DENND11: variants seen among roughly 807,000 people sequenced by gnomAD.
DENND11 encodes the protein DENN domain-containing protein 11.
A neutral mutation model predicts 49.2 loss-of-function variants in DENND11; 34 were observed. That is an observed-to-expected ratio of 0.69 (90% CI 0.53 to 0.92). The LOEUF (loss-of-function observed/expected upper bound fraction) is 0.92, where lower values mean the gene tolerates loss of function less well. Ranked by LOEUF, DENND11 falls within the 40% of genes least tolerant of loss-of-function variation. DENND11 has a pLI of 0.00. For synonymous variants in DENND11, 238 were observed against 230.3 expected, an observed-to-expected ratio of 1.03 and a Z score of -0.30; for missense variants, 475 against 581.6, an observed-to-expected ratio of 0.82 and a Z score of 1.88.
chr7:141,697,544 A>G (rs1283335806), intron 1 of DENND11, among the ~76,000 whole-genome samples: 1 of 152,134 alleles, frequency 6.6e-6, no homozygotes, highest in Non-Finnish European at 1.5e-5. Context: ...CCTGCATTTG[A>G]GCTGTCCATG....
At chr7:141,663,811 T>C (rs1448960537) in intron 8 of DENND11, 1 of 219,674 alleles carries the variant, frequency 4.6e-6, no homozygotes, top group Non-Finnish European at 8.9e-6. Context: ...TATCCCATAA[T>C]ATTCAGCGCA....
intron 4 of DENND11, among the ~76,000 whole-genome samples, chr7:141,672,687 G>A (rs1240291526): frequency 6.6e-6 from 1 of 152,218 alleles, no homozygotes; most frequent in African/African-American, 2.4e-5. Context: ...ACTTACAGAA[G>A]CTGTGAAATA....
chr7:141,673,819 T>C (rs1261433397), intron 4 of DENND11, among the ~76,000 whole-genome samples: 1 of 152,232 alleles, frequency 6.6e-6, no homozygotes, highest in African/African-American at 2.4e-5. Flanking sequence ...AATCTATCTT[T>C]TCACAACTGG....
rs1420311427 is a variant in DENND11 at position 141,702,138 on chromosome 7, C to T, written c.16G>A (p.Asp6Asn). 7 of 983,018 alleles carry T rather than the reference C, an allele frequency of 7.1e-6. No homozygotes were observed. The highest frequency in any genetic ancestry group is 5.1e-4 in the Middle Eastern group (1 of 1,944). The allele number at this position is 983,018 out of a possible 1,614,324, so 60.9% of individuals were successfully genotyped here. ...GCCCAGCGCAGCAGCGGCGCCGCGT[C>T]TCCCTGCTCCACCATGGCTAGGCGA... MVEQGDAAPLLRWAEG... is the reference protein window; with the variant it reads MVEQGNAAPLLRWAEG... Residue 6 changes from aspartate to asparagine, a missense_variant, in exon 1 of 9, where the codon GAC (aspartate) becomes AAC (asparagine). Transcript: ENST00000536163.
chr7:141,674,128 C>A lies in DENND11; in HGVS notation c.620G>T (p.Ser207Ile). ...CAGCCAGTAGACAGGGGGCAGGCTG[C>A]TGCCTCTGCCGGGACCAGCATGGAG... ...GVLHAGPGRG[S>I]SLPPVYWLPS... Residue 207 changes from serine (S) to isoleucine (I), a missense_variant, in exon 4 of 9, where the codon AGC (serine) becomes ATC (isoleucine). Ser to Ile is a moderately radical substitution (Grantham distance 142). Coordinates refer to ENST00000536163, the MANE Select transcript of DENND11 (RefSeq NM_001080392.2). 3 of 1,595,714 alleles carry A rather than the reference C, an allele frequency of 1.9e-6. No homozygotes were observed. The highest frequency in any genetic ancestry group is 2.6e-6 in the Non-Finnish European group (3 of 1,171,212).
In DENND11 at chr7:141,661,898, C is replaced by CA. The variant is rs1797801447; in HGVS notation, c.*757dup. 1 of 152,228 alleles carries CA rather than the reference C, an allele frequency of 6.6e-6. No individual in the cohort carries two copies. Among genetic ancestry groups the CA allele is most frequent in the Non-Finnish European group, 1.5e-5 (1 of 68,044 alleles). The allele number at this position is 152,228 out of a possible 1,614,324, so 9.4% of individuals were successfully genotyped here. A position where few individuals can be genotyped will look rare whatever the true frequency, so the allele number is the denominator to read the frequency against. The stretch of plus-strand genomic sequence containing the variant: ...ATTTGCTTGCAAGCTCCAAGGCCAG[C>CA]ATTGGCCCTTAGCAATTCACCAATT... On this transcript the variant is annotated 3_prime_UTR_variant, in exon 9 of 9. Coordinates refer to ENST00000536163, the MANE Select transcript of DENND11 (RefSeq NM_001080392.2).
In DENND11 at chr7:141,658,556, G is replaced by C. The variant is rs535411861; in HGVS notation, c.*4100C>G. 3 of 152,292 alleles carry C rather than the reference G, an allele frequency of 2.0e-5. No homozygotes were observed. Among genetic ancestry groups the C allele is most frequent in the South Asian group, 4.2e-4 (2 of 4,812 alleles). The allele number at this position is 152,292 out of a possible 1,614,324, so 9.4% of individuals were successfully genotyped here. A position where few individuals can be genotyped will look rare whatever the true frequency, so the allele number is the denominator to read the frequency against. On this transcript the variant is annotated 3_prime_UTR_variant, in exon 9 of 9. Transcript: ENST00000536163. Reference sequence around the variant, plus strand: ...CTAGGGAGATAAAAGCCCATGCCTGGCATATTGGTCCCCATTCTAATTGTC... The same window carrying C: ...CTAGGGAGATAAAAGCCCATGCCTGCCATATTGGTCCCCATTCTAATTGTC...
chr7:141,671,699 G>T (rs1797982968), intron 4 of DENND11, among the ~76,000 whole-genome samples: 1 of 152,152 alleles, frequency 6.6e-6, no homozygotes, highest in South Asian at 2.1e-4. Flanking sequence ...TAGGTCAGAT[G>T]CTGGTCACCT....
At chr7:141,685,723 G>C (rs1798229709) in intron 2 of DENND11, 87 bp from the exon 3 acceptor site, 1 of 1,419,082 alleles carries the variant, frequency 7.0e-7, no homozygotes, top group Non-Finnish European at 9.6e-7. Context: ...AACTGTGTTC[G>C]GGGCTGTCAA....
Position 141,674,214 on chromosome 7 carries a change from C to A in DENND11, c.534G>T (p.Gln178His), listed in dbSNP as rs754467823. ...GAGAGTAATGTCCTGGCATCTCCAA[C>A]TGGTGCCTGCAGAAAAACACACACA... ...MHFLENQVRH[Q>H]LEMPGHYSHL... The change falls in exon 4 of 9, where the codon CAG becomes CAT. Residue 178 changes from glutamine to histidine, a missense_variant. Physicochemically the swap from Gln to His is conservative, Grantham distance 24. Coordinates refer to ENST00000536163, the MANE Select transcript of DENND11 (RefSeq NM_001080392.2). 1 of 1,545,002 alleles carries A rather than the reference C, an allele frequency of 6.5e-7. No homozygotes were observed. Among genetic ancestry groups the A allele is most frequent in the Non-Finnish European group, 8.7e-7 (1 of 1,144,154 alleles).
intron 1 of DENND11, among the ~76,000 whole-genome samples, chr7:141,688,471 T>C (rs760815025): frequency 8.5e-5 from 13 of 152,342 alleles, no homozygotes; most frequent in Admixed American, 3.9e-4. Context: ...AGAGGAATTA[T>C]GATTCTGATC....
At chr7:141,669,848 C>G (rs1485731830) in intron 4 of DENND11, among the ~76,000 whole-genome samples, 2 of 122,152 alleles carry the variant, frequency 1.6e-5, no homozygotes, top group African/African-American at 6.1e-5. Flanking sequence ...GTCTCGCTGT[C>G]GCCCAGGCTG....
At chr7:141,671,234 T>C (rs1797974927) in intron 4 of DENND11, among the ~76,000 whole-genome samples, 1 of 152,228 alleles carries the variant, frequency 6.6e-6, no homozygotes, top group South Asian at 2.1e-4. Context: ...TGGAGTGCAG[T>C]GGTGCGATGT....
At chr7:141,677,014 G>A (rs1798068372) in intron 3 of DENND11, among the ~76,000 whole-genome samples, 1 of 152,188 alleles carries the variant, frequency 6.6e-6, no homozygotes, top group Admixed American at 6.5e-5. Flanking sequence ...TGGCCATGCA[G>A]ATGCCCAGTG....
chr7:141,675,875 G>A (rs1219769178), intron 3 of DENND11, among the ~76,000 whole-genome samples: 1 of 152,224 alleles, frequency 6.6e-6, no homozygotes, highest in East Asian at 1.9e-4. Context: ...TGCATTTTAA[G>A]TTTTGACAAG....
intron 1 of DENND11, among the ~76,000 whole-genome samples, chr7:141,700,055 T>C (rs1798482830): frequency 6.6e-6 from 1 of 152,182 alleles, no homozygotes; most frequent in Non-Finnish European, 1.5e-5. Context: ...AATTGGCCAA[T>C]ATCAATAATT....
chr7:141,696,306 C>T (rs1360679207), intron 1 of DENND11, among the ~76,000 whole-genome samples: 1 of 152,202 alleles, frequency 6.6e-6, no homozygotes, highest in Admixed American at 6.5e-5. Context: ...GACCAAACCC[C>T]CAGCTGTCTT....
At chr7:141,701,386 G>A (rs1388966273) in intron 1 of DENND11, among the ~76,000 whole-genome samples, 1 of 140,868 alleles carries the variant, frequency 7.1e-6, no homozygotes, top group African/African-American at 2.6e-5. Flanking sequence ...GGGACGGGGT[G>A]GGGGGCGAGC....
At chr7:141,666,501 T>G in intron 4 of DENND11, 76 bp from the exon 5 acceptor site, 1 of 1,350,010 alleles carries the variant, frequency 7.4e-7, no homozygotes, top group Non-Finnish European at 9.9e-7. Flanking sequence ...AGGTATCTAA[T>G]CTCCTTCTCT....
Sources: allele counts gnomAD v4.1 joint callset (sites outside exome capture counted in the v4.1 genomes callset), GRCh38; gene constraint gnomAD v4.1.1; transcripts MANE v1.5; gene names NCBI Gene and HGNC (gene_info 2026-07-23, HGNC 2026-07-21).